The following CAMTA1 variants were observed in gnomAD, a reference collection of about 807,000 sequenced individuals.
CAMTA1 encodes calmodulin-binding transcription activator 1.
Under a neutral mutation model 170.9 loss-of-function variants are expected in CAMTA1, and 27 were observed. The observed-to-expected ratio is 0.16, with a 90% CI of 0.12 to 0.22. CAMTA1 has a LOEUF of 0.22. Among genes scored for constraint, CAMTA1 ranks in the 10% least tolerant of loss-of-function variants. The probability of loss-of-function intolerance (pLI) is 1.00; values close to 1 mark genes in which losing one functional copy is unlikely to be tolerated. For missense variants in CAMTA1, 1,619 were observed against 2,217.2 expected, an observed-to-expected ratio of 0.73 and a Z score of 5.42; for synonymous variants, 833 against 891.5, an observed-to-expected ratio of 0.93 and a Z score of 1.17.
chr1:7,403,596 G>T (rs554524269), intron 5 of CAMTA1, among the ~76,000 whole-genome samples: 1 of 152,134 alleles, frequency 6.6e-6, no homozygotes, highest in Non-Finnish European at 1.5e-5. Flanking sequence ...GACAACCTGA[G>T]TGTGGGGATG....
At chr1:7,543,438 G>A (rs900537513) in intron 6 of CAMTA1, among the ~76,000 whole-genome samples, 1 of 151,966 alleles carries the variant, frequency 6.6e-6, no homozygotes, top group African/African-American at 2.4e-5. Flanking sequence ...GAAATATCTC[G>A]CTTTTATTAT....
intron 6 of CAMTA1, among the ~76,000 whole-genome samples, chr1:7,546,189 C>G (rs536763452): frequency 6.6e-6 from 1 of 152,234 alleles, no homozygotes; most frequent in East Asian, 1.9e-4. Flanking sequence ...ATCTCCTGAC[C>G]TCGTGATCCA....
chr1:7,417,355 T>C (rs2091256350), intron 5 of CAMTA1, among the ~76,000 whole-genome samples: 1 of 152,256 alleles, frequency 6.6e-6, no homozygotes, highest in Non-Finnish European at 1.5e-5. Flanking sequence ...TTTTTGTTTG[T>C]CTGTGCCCTG....
intron 3 of CAMTA1, among the ~76,000 whole-genome samples, chr1:6,988,739 C>T (rs573452074): frequency 1.1e-4 from 17 of 152,282 alleles, no homozygotes; most frequent in African/African-American, 4.1e-4. Context: ...AAACCTCATT[C>T]CCCCTCTCCA....
chr1:6,876,526 C>G (rs1669942941), intron 3 of CAMTA1, among the ~76,000 whole-genome samples: 1 of 152,082 alleles, frequency 6.6e-6, no homozygotes, highest in South Asian at 2.1e-4. Flanking sequence ...CCGTGCCCAA[C>G]TAATTTTTGT....
At chr1:7,718,653 G>T (rs543172200) in intron 11 of CAMTA1, among the ~76,000 whole-genome samples, 2 of 150,960 alleles carry the variant, frequency 1.3e-5, no homozygotes, top group African/African-American at 4.9e-5. Flanking sequence ...GCCCCGCCAG[G>T]TTCAGGCGAT....
At chr1:7,399,214 G>C (rs2089689881) in intron 5 of CAMTA1, among the ~76,000 whole-genome samples, 4 of 152,238 alleles carry the variant, frequency 2.6e-5, no homozygotes, top group South Asian at 4.2e-4. Context: ...GTTTCTGTGA[G>C]AGTTCCCCCA....
intron 11 of CAMTA1, among the ~76,000 whole-genome samples, chr1:7,707,438 T>C (rs1350518346): frequency 6.6e-6 from 1 of 152,132 alleles, no homozygotes; most frequent in Non-Finnish European, 1.5e-5. Flanking sequence ...TGCAGTGGCA[T>C]GATCATGGTT....
intron 3 of CAMTA1, among the ~76,000 whole-genome samples, chr1:7,080,990 T>C (rs747491598): frequency 2.0e-4 from 31 of 152,208 alleles, no homozygotes; most frequent in Non-Finnish European, 4.1e-4. Flanking sequence ...CTTCCTGACA[T>C]TGGCCAAAAT....
chr1:7,500,562 CGCG>C (rs1206759680), intron 6 of CAMTA1, among the ~76,000 whole-genome samples: 1 of 152,114 alleles, frequency 6.6e-6, no homozygotes. Context: ...GTCTTGAGGA[CGCG>C]GCCCTGCTCC....
chr1:7,703,625 G>T (rs1394234520), intron 11 of CAMTA1, among the ~76,000 whole-genome samples: 2 of 152,162 alleles, frequency 1.3e-5, no homozygotes, highest in Admixed American at 1.3e-4. Flanking sequence ...CCAATTTCGA[G>T]ACACCTTTTT....
At chr1:7,733,867 T>C (rs997745714) in intron 12 of CAMTA1, among the ~76,000 whole-genome samples, 13 of 152,228 alleles carry the variant, frequency 8.5e-5, no homozygotes, top group Non-Finnish European at 7.3e-5. Context: ...CCCCGTGTTT[T>C]CATATTGCTC....
intron 6 of CAMTA1, among the ~76,000 whole-genome samples, chr1:7,496,537 C>T (rs2093830236): frequency 6.6e-6 from 1 of 152,198 alleles, no homozygotes; most frequent in African/African-American, 2.4e-5. Context: ...GCAGTGTCTG[C>T]CCTGTACCCA....
At chr1:7,377,206 A>G (rs2086905368) in intron 5 of CAMTA1, among the ~76,000 whole-genome samples, 1 of 152,208 alleles carries the variant, frequency 6.6e-6, no homozygotes, top group Non-Finnish European at 1.5e-5. Flanking sequence ...TCAAGCATTT[A>G]CTAGGGACTT....
chr1:7,618,679 T>C (rs1328182441), intron 6 of CAMTA1, among the ~76,000 whole-genome samples: 2 of 152,302 alleles, frequency 1.3e-5, no homozygotes, highest in South Asian at 4.1e-4. Context: ...CCCCTCTCCT[T>C]GTCAGCTCAA....
chr1:7,672,883 TC>T (rs1272904250), intron 10 of CAMTA1, among the ~76,000 whole-genome samples: 1 of 151,294 alleles, frequency 6.6e-6, no homozygotes, highest in Admixed American at 6.6e-5. Flanking sequence ...GGCCCAGCCC[TC>T]CCCTCCCAGC....
In CAMTA1 at chr1:7,463,113, G is replaced by A. The variant is rs971720456; in HGVS notation, c.439-4717G>A. Among the ~76,000 whole-genome samples the A allele has an allele frequency of 6.6e-6, 1 of 152,232 alleles. No homozygotes were observed. The highest frequency in any genetic ancestry group is 2.4e-5 in the African/African-American group (1 of 41,462). ...GCCTCCTGGGGCCGGGGGTTCATGT[G>A]AGCAGGGACACGGGGAGGGCTGCCC... On this transcript the variant is annotated intron_variant, in intron 5 of 22. Transcript: ENST00000303635. The surrounding 1 kb of genome is among the most constrained non-coding windows in gnomAD (Gnocchi z 4.7).
intron 4 of CAMTA1, among the ~76,000 whole-genome samples, chr1:7,160,609 A>T (rs1647158180): frequency 6.6e-6 from 1 of 151,870 alleles, no homozygotes; most frequent in African/African-American, 2.4e-5. Context: ...TATATTTGTG[A>T]TGCTCAAGAT....
chr1:6,915,328 T>C, intron 3 of CAMTA1, among the ~76,000 whole-genome samples: 1 of 152,224 alleles, frequency 6.6e-6, no homozygotes, highest in East Asian at 1.9e-4. Flanking sequence ...TGGTTAGGTA[T>C]GTGCATTCAC....
Sources: allele counts gnomAD v4.1 joint callset (sites outside exome capture counted in the v4.1 genomes callset), GRCh38; gene constraint gnomAD v4.1.1; non-coding constraint Gnocchi (gnomAD v3.1); transcripts MANE v1.5; gene names NCBI Gene and HGNC (gene_info 2026-07-23, HGNC 2026-07-21).